ABCA2: variants seen among roughly 807,000 people sequenced by gnomAD.
ABCA2 encodes the protein ATP binding cassette subfamily A member 2.
A neutral mutation model predicts 262.8 loss-of-function variants in ABCA2; 84 were observed. The ratio of observed to expected loss-of-function variants is 0.32; its 90% CI spans 0.27 to 0.38. The LOEUF (loss-of-function observed/expected upper bound fraction) is 0.38, where lower values mean the gene tolerates loss of function less well. Among genes scored for constraint, ABCA2 ranks in the 10% least tolerant of loss-of-function variants. ABCA2 has a pLI of 1.00. For missense variants in ABCA2, 2,662 were observed against 3,405.9 expected (o/e 0.78, Z 5.44); for synonymous variants, 1,696 against 1,502.9 (o/e 1.13, Z -2.97).
At position 137,008,129 on chromosome 9, in the gene ABCA2, C is replaced by G. The variant is rs1371415921; in HGVS notation, c.7276-165G>C. ...TGGGCTCTCCCGGGCCTCCGTCTGC[C>G]GAGTCTGGGGGCCACTGAGTCTACA... On this transcript the variant is annotated intron_variant, in intron 48 of 48. Transcript: ENST00000341511. The G allele has an allele frequency of 9.6e-6, 9 of 935,508 alleles. No homozygotes were observed. In the African/African-American group the frequency reaches 1.5e-4, roughly 15 times the overall value. The allele number at this position is 935,508 out of a possible 1,614,324, so 58.0% of individuals were successfully genotyped here.
In ABCA2 at chr9:137,007,747, G is replaced by GC. The variant is rs1830883259; in HGVS notation, c.*181dup. ...TCAGCCTTTGGCACAATTAGGGGCG[G>GC]CAACCGCAGTGACCACAGGGCATGG... On this transcript the variant is annotated 3_prime_UTR_variant, in exon 49 of 49. Coordinates refer to ENST00000341511, the MANE Select transcript of ABCA2 (RefSeq NM_001606.5). 1 of 809,190 alleles carries GC rather than the reference G, an allele frequency of 1.2e-6. No individual in the cohort carries two copies. Among genetic ancestry groups the GC allele is most frequent in the Non-Finnish European group, 2.0e-6 (1 of 509,038 alleles). The allele number at this position is 809,190 out of a possible 1,614,324, so 50.1% of individuals were successfully genotyped here.
Position 137,012,766 on chromosome 9 carries a change from C to A in ABCA2, c.5027G>T (p.Gly1676Val). 6.2e-7 allele frequency: 1 copy of A among 1,612,684 alleles called. No homozygotes were observed. Among genetic ancestry groups the A allele is most frequent in the Non-Finnish European group, 8.5e-7 (1 of 1,179,912 alleles). The change falls in exon 31 of 49, where the codon GGC becomes GTC. Residue 1676 changes from glycine (G) to valine (V), a missense_variant. Gly to Val is a moderately radical substitution (Grantham distance 109, BLOSUM62 -3). This residue lies in a region of ABCA2 where 602 missense variants were observed against 897.4 expected (regional missense o/e 0.67). Coordinates refer to ENST00000341511, the MANE Select transcript of ABCA2 (RefSeq NM_001606.5). Reference sequence around the variant, plus strand: ...GAGCAGGTACTCAGAGACATTGTGGCCGGTGATGTCGGTCAGGATGTCGCC... The same window carrying A: ...GAGCAGGTACTCAGAGACATTGTGGACGGTGATGTCGGTCAGGATGTCGCC... ...VTGDILTDIT[G>V]HNVSEYLLFT...
In ABCA2 at chr9:137,019,059, C is replaced by T. The variant is rs1564225805; in HGVS notation, c.1566G>A (p.Glu522=). The T allele has an allele frequency of 6.2e-7, 1 of 1,610,916 alleles. No individual in the cohort carries two copies. The highest frequency in any genetic ancestry group is 8.5e-7 in the Non-Finnish European group (1 of 1,178,660). Residue 522 remains glutamate (E), a synonymous_variant, in exon 12 of 49, where the codon GAG becomes GAA. Coordinates refer to ENST00000341511, the MANE Select transcript of ABCA2 (RefSeq NM_001606.5). The surrounding 1 kb of genome is among the most constrained non-coding windows in gnomAD (Gnocchi z 4.4). ...HLRWLQQYVA[E]LRLHPEALNL... The stretch of plus-strand genomic sequence containing the variant: ...TCAGTGCCTCGGGGTGCAGCCGCAG[C>T]TCTGCTACATACTTGGGGTGGAGGG...
chr9:137,024,046 G>C lies in ABCA2; in HGVS notation c.160+97C>G, dbSNP rs368444863. On this transcript the variant is annotated intron_variant, in intron 2 of 48. Transcript: ENST00000341511. ...GCAGGCACCGCACCTCAGGGACTCC[G>C]GGAGCAGGACACCCGTGTGCAGATG... The C allele has an allele frequency of 1.3e-6, 2 of 1,514,796 alleles. 1 individual carries two copies. The highest frequency in any genetic ancestry group is 2.8e-5 in the African/African-American group (2 of 72,706). The allele number at this position is 1,514,796 out of a possible 1,614,324, so 93.8% of individuals were successfully genotyped here. A position where few individuals can be genotyped will look rare whatever the true frequency, so the allele number is the denominator to read the frequency against.
Position 137,021,876 on chromosome 9 carries a change from C to T in ABCA2, c.678+15G>A. On this transcript the variant is annotated intron_variant, in intron 7 of 48. Coordinates refer to ENST00000341511, the MANE Select transcript of ABCA2 (RefSeq NM_001606.5). The surrounding 1 kb of genome is among the most constrained non-coding windows in gnomAD (Gnocchi z 6.0). ...GGCAGCACTCCAGGCCCATCCCACA[C>T]ATGGATGCCCTCACCTCCATCCGGA... The T allele has an allele frequency of 6.3e-7, 1 of 1,575,434 alleles. No homozygotes were observed. Among genetic ancestry groups the T allele is most frequent in the Non-Finnish European group, 8.6e-7 (1 of 1,158,500 alleles).
At position 137,015,966 on chromosome 9, in the gene ABCA2, C is replaced by A. The variant is rs774951234; in HGVS notation, c.3313G>T (p.Asp1105Tyr). The A allele has an allele frequency of 3.0e-6, 2 of 665,120 alleles. No individual in the cohort carries two copies. The highest frequency in any genetic ancestry group is 5.0e-6 in the Non-Finnish European group (2 of 400,814). The allele number at this position is 665,120 out of a possible 1,614,324, so 41.2% of individuals were successfully genotyped here. Reference sequence around the variant, plus strand: ...CCCCCCGCCCAGCCCACCCACTTGTCCATCTCTCTGCGGATCTCCTCCTGA... The same window carrying A: ...CCCCCCGCCCAGCCCACCCACTTGTACATCTCTCTGCGGATCTCCTCCTGA... ...MAQEEIRREM[D>Y]KMIEDLELSN... The change falls in exon 22 of 49, where the codon GAC becomes TAC. Residue 1105 changes from aspartate (D) to tyrosine (Y), a missense_variant. This residue lies in a region of ABCA2 where 180 missense variants were observed against 307.3 expected (regional missense o/e 0.59). Coordinates refer to ENST00000341511, the MANE Select transcript of ABCA2 (RefSeq NM_001606.5).
At chr9:137,028,385 G>T, upstream of ABCA2, 1 of 628,438 alleles carries the variant, frequency 1.6e-6, no homozygotes, top group Non-Finnish European at 2.0e-6. This position sits in a 1 kb window ranked among gnomAD's most constrained non-coding sequence, Gnocchi z 6.9. Flanking sequence ...CCCGCCGCCC[G>T]CGCCGCGCCC....
Position 137,009,517 on chromosome 9 carries a change from AAG to A in ABCA2, c.6734+22_6734+23del, listed in dbSNP as rs778777849. 36 of 1,582,862 alleles carry A rather than the reference AAG, an allele frequency of 2.3e-5. No homozygotes were observed. The East Asian group carries it at 4.0e-4, about 18-fold the overall frequency. ...AGGGGTGCTGTGGGGTGGGGGCACA[AAG>A]AGGGGGTGGGGGCGCCCTCACCTGT... On this transcript the variant is annotated intron_variant, in intron 44 of 48. Coordinates refer to ENST00000341511, the MANE Select transcript of ABCA2 (RefSeq NM_001606.5).
chr9:137,022,163 G>C (rs35063411), intron 6 of ABCA2, among the ~76,000 whole-genome samples, 162 bp from the exon 7 acceptor site: 4,643 of 96,450 alleles, frequency 0.048, 216 homozygotes, highest in Non-Finnish European at 0.052. Flanking sequence ...CTCCGATGTA[G>C]GTGTGGGGGC....
Position 137,012,522 on chromosome 9 carries a change from G to T in ABCA2, c.5150C>A (p.Pro1717His). The T allele has an allele frequency of 1.2e-6, 2 of 1,611,950 alleles. No homozygotes were observed. Among genetic ancestry groups the T allele is most frequent in the Non-Finnish European group, 1.7e-6 (2 of 1,179,874 alleles). The change falls in exon 32 of 49, where the codon CCC (proline) becomes CAC (histidine). Residue 1717 changes from proline (P) to histidine (H), a missense_variant. This residue lies in a region of ABCA2 where 602 missense variants were observed against 897.4 expected (regional missense o/e 0.67). Transcript: ENST00000341511. The part of the protein sequence containing the change: ...IPASFGTRAP[P>H]MVRKIAVRRA... The stretch of plus-strand genomic sequence containing the variant: ...GCGCACCGCGATCTTCCGCACCATG[G>T]GTGGGGCCCTGGTGCCAAATGAGGC...
intron 39 of ABCA2, 85 bp downstream of exon 39, chr9:137,010,888 C>CCACCACCCCCGCCCCTACCCTG: frequency 2.3e-6 from 1 of 425,606 alleles, no homozygotes; most frequent in Non-Finnish European, 4.5e-6. Context: ...CCCATCCCTG[C>CCACCACCCCCGCCCCTACCCTG]CCCCACCCCC....
chr9:137,009,266 C>T (rs1830946873), intron 45 of ABCA2, 104 bp downstream of exon 45: 3 of 1,061,110 alleles, frequency 2.8e-6, no homozygotes, highest in South Asian at 3.1e-5. Flanking sequence ...CCCCCCTGGC[C>T]CCACAGCCCT....
At chr9:137,018,877 G>GC in intron 12 of ABCA2, 26 bp downstream of exon 12, 1 of 1,612,168 alleles carries the variant, frequency 6.2e-7, no homozygotes. Context: ...GGTGTCGTGG[G>GC]TTGGCTCGGA....
chr9:137,021,654 GT>G lies in ABCA2; in HGVS notation c.679-45del. 6.5e-7 allele frequency: 1 copy of G among 1,528,940 alleles called. No homozygotes were observed. Among genetic ancestry groups the G allele is most frequent in the Non-Finnish European group, 8.8e-7 (1 of 1,136,244 alleles). 94.7% of individuals were successfully genotyped at this position (1,528,940 alleles called of 1,614,324 possible). A position where few individuals can be genotyped will look rare whatever the true frequency, so the allele number is the denominator to read the frequency against. On this transcript the variant is annotated intron_variant, in intron 7 of 48. Transcript: ENST00000341511. This position sits in a 1 kb window ranked among gnomAD's most constrained non-coding sequence, Gnocchi z 6.0. ...TCCGTGGAGCCACGGCAAGGACTTT[GT>G]CCCCAACCACTAGGGCCTCAGGCCT...
At position 137,008,530 on chromosome 9, in the gene ABCA2, C is replaced by A. The variant is rs753815980; in HGVS notation, c.7161G>T (p.Leu2387Phe). Residue 2387 changes from leucine (L) to phenylalanine (F), a missense_variant, in exon 48 of 49, where the codon TTG becomes TTT. Physicochemically the swap from Leu to Phe is conservative, Grantham distance 22. Coordinates refer to ENST00000341511, the MANE Select transcript of ABCA2 (RefSeq NM_001606.5). ...CAGACCGGGGCCGGAGCAGGCTGAG[C>A]AAGCAGCCGAGAGGGGACTGCAGTG... is the stretch of plus-strand genomic sequence containing the variant. Reference protein sequence around the residue: ...PSALQSPLGCLLSLLRPRSAP... With the variant: ...PSALQSPLGCFLSLLRPRSAP... 6.3e-7 allele frequency: 1 copy of A among 1,599,598 alleles called. No individual in the cohort carries two copies. The highest frequency in any genetic ancestry group is 1.1e-5 in the South Asian group (1 of 88,618).
chr9:137,028,002 C>A lies in ABCA2; in HGVS notation c.66+73G>T. On this transcript the variant is annotated intron_variant, in intron 1 of 48. Transcript: ENST00000341511. The surrounding 1 kb of genome is among the most constrained non-coding windows in gnomAD (Gnocchi z 6.9). The stretch of plus-strand genomic sequence containing the variant: ...GCGCGCGCCCGGCCGTCCGCACGTG[C>A]GCGCGGGGAGCGCGCCTCTGGCCGC... 12 of 865,616 alleles carry A rather than the reference C, an allele frequency of 1.4e-5. No homozygotes were observed. Among genetic ancestry groups the A allele is most frequent in the Non-Finnish European group, 1.7e-5 (12 of 722,932 alleles). The allele number at this position is 865,616 out of a possible 1,614,324, so 53.6% of individuals were successfully genotyped here. A position where few individuals can be genotyped will look rare whatever the true frequency, so the allele number is the denominator to read the frequency against.
In ABCA2 at chr9:137,009,781, G is replaced by A; in HGVS notation, c.6618C>T (p.Ala2206=). ...ACCCAGGACTTACCAGGAAGATGAA[G>A]GCTGGGTACCCAATGAGGGCGATGG... ...STAIALIGYP[A]FIFLDEPTTG... Residue 2206 remains alanine (A), a synonymous_variant, in exon 43 of 49, where the codon GCC becomes GCT. Transcript: ENST00000341511. 6.2e-7 allele frequency: 1 copy of A among 1,611,674 alleles called. No individual in the cohort carries two copies. Among genetic ancestry groups the A allele is most frequent in the South Asian group, 1.1e-5 (1 of 91,002 alleles).
chr9:137,023,090 A>C, intron 3 of ABCA2, 38 bp from the exon 4 acceptor site: 1 of 1,469,742 alleles, frequency 6.8e-7, no homozygotes, highest in Non-Finnish European at 9.3e-7. Flanking sequence ...TCGGGGGTGA[A>C]AGGGGAGAGA....
At chr9:137,024,745 G>A (rs984033366) in intron 1 of ABCA2, among the ~76,000 whole-genome samples, 4 of 151,942 alleles carry the variant, frequency 2.6e-5, no homozygotes, top group African/African-American at 7.3e-5. Context: ...CCTGAGCCTC[G>A]GAGAAGACCT....
Sources: gnomAD v4.1 joint callset for allele counts (sites outside exome capture counted in the v4.1 genomes callset) on GRCh38, gnomAD v4.1.1 for gene constraint, gnomAD v4.1.1 regional missense constraint, Gnocchi (gnomAD v3.1) non-coding constraint, MANE v1.5 for transcripts, NCBI Gene and HGNC (gene_info 2026-07-23, HGNC 2026-07-21) for gene names.